The following SPINK8 variants were observed in gnomAD, a reference collection of about 807,000 sequenced individuals.
The protein encoded by SPINK8 is serine peptidase inhibitor Kazal type 8 (putative), also known as serine protease inhibitor Kazal-type 8.
A neutral mutation model predicts 14.4 loss-of-function variants in SPINK8; 12 were observed. The observed-to-expected ratio is 0.83, with a 90% CI of 0.53 to 1.35. SPINK8 has a LOEUF of 1.35. Ranked by LOEUF, SPINK8 falls within the 40% of genes most tolerant of loss-of-function variation. The pLI, the probability that SPINK8 is intolerant of heterozygous loss-of-function variation, is 0.00. For missense variants in SPINK8, 103 were observed against 117.0 expected (o/e 0.88, Z 0.55); for synonymous variants, 32 against 37.6 (o/e 0.85, Z 0.55).
intron 6 of SPINK8, among the ~76,000 whole-genome samples, chr3:48,311,331 C>T (rs1403210749): frequency 1.3e-5 from 2 of 152,130 alleles, no homozygotes; most frequent in Admixed American, 1.3e-4. Flanking sequence ...AGATCAGGAA[C>T]AAGACATGAA....
intron 6 of SPINK8, 120 bp downstream of exon 6, chr3:48,319,377 G>A: frequency 8.6e-7 from 1 of 1,161,466 alleles, no homozygotes; most frequent in South Asian, 1.5e-5. Flanking sequence ...AAATACTGGA[G>A]GAATGTCTGG....
chr3:48,313,964 T>C (rs2035954864), intron 6 of SPINK8, among the ~76,000 whole-genome samples: 1 of 152,094 alleles, frequency 6.6e-6, no homozygotes, highest in South Asian at 2.1e-4. Flanking sequence ...GAGGAGGGAA[T>C]GGGAAGTTAA....
chr3:48,331,456 A>G (rs971644232), intron 2 of SPINK8, among the ~76,000 whole-genome samples: 3 of 151,854 alleles, frequency 2.0e-5, no homozygotes, highest in African/African-American at 7.3e-5. Context: ...TAAGACTGCC[A>G]CCTCTTTAGG....
At position 48,307,006 on chromosome 3, in the gene SPINK8, G is replaced by A; in HGVS notation, c.283-3C>T. The A allele has an allele frequency of 6.2e-7, 1 of 1,612,916 alleles. No individual in the cohort carries two copies. On this transcript the variant is annotated splice_region_variant and splice_polypyrimidine_tract_variant and intron_variant, in intron 7 of 7. Transcript: ENST00000434006. The stretch of plus-strand genomic sequence containing the variant: ...TTGTCGTACGTTCAAGAGTTTTCCT[G>A]CAAGAGAAGTATCTGCTTAGAGAAA...
At chr3:48,310,617 C>G (rs1271827776) in intron 6 of SPINK8, among the ~76,000 whole-genome samples, 1 of 151,914 alleles carries the variant, frequency 6.6e-6, no homozygotes, top group African/African-American at 2.4e-5. Context: ...CCTGCCTCAG[C>G]CTTCCAAGTA....
chr3:48,321,332 T>C (rs1370575252), intron 4 of SPINK8, among the ~76,000 whole-genome samples: 1 of 152,002 alleles, frequency 6.6e-6, no homozygotes, highest in Admixed American at 6.6e-5. Context: ...TCCTTGTCAG[T>C]TTTTTTTAGT....
At chr3:48,331,925 G>A (rs2036268936) in intron 2 of SPINK8, among the ~76,000 whole-genome samples, 1 of 152,236 alleles carries the variant, frequency 6.6e-6, no homozygotes, top group African/African-American at 2.4e-5. Context: ...GGTGATGCCA[G>A]GGGCTGGCGC....
chr3:48,311,305 C>T (rs1163281445), intron 6 of SPINK8, among the ~76,000 whole-genome samples: 1 of 152,058 alleles, frequency 6.6e-6, no homozygotes, highest in Non-Finnish European at 1.5e-5. Context: ...TGGTGAAAGA[C>T]TGAAAGACCT....
intron 6 of SPINK8, among the ~76,000 whole-genome samples, chr3:48,315,484 G>T (rs2035975271): frequency 6.6e-6 from 1 of 152,110 alleles, no homozygotes; most frequent in Admixed American, 6.6e-5. Flanking sequence ...ACTTTGGGAG[G>T]CTGAGGCAGG....
intron 6 of SPINK8, among the ~76,000 whole-genome samples, chr3:48,318,384 G>A (rs1323843588): frequency 6.6e-5 from 10 of 151,876 alleles, no homozygotes; most frequent in Non-Finnish European, 1.0e-4. Context: ...CAGGTGATCC[G>A]CCCACCTCGG....
At chr3:48,328,241 GA>G (rs767384137) in intron 4 of SPINK8, 33 bp downstream of exon 4, 146 of 1,569,482 alleles carry the variant, frequency 9.3e-5, no homozygotes, top group Non-Finnish European at 1.2e-4. Flanking sequence ...ATTTACTGCA[GA>G]AAATGTGGGC....
At chr3:48,326,992 C>A (rs2036155234) in intron 4 of SPINK8, among the ~76,000 whole-genome samples, 1 of 152,102 alleles carries the variant, frequency 6.6e-6, no homozygotes, top group Non-Finnish European at 1.5e-5. Context: ...AGGTACCACT[C>A]CTGACACATA....
At chr3:48,308,586 C>T (rs2035880902) in intron 7 of SPINK8, among the ~76,000 whole-genome samples, 1 of 152,188 alleles carries the variant, frequency 6.6e-6, no homozygotes, top group South Asian at 2.1e-4. Context: ...AGGAAGCTCA[C>T]TGTATTTGGA....
intron 3 of SPINK8, among the ~76,000 whole-genome samples, 63 bp downstream of exon 3, chr3:48,329,090 G>GA (rs1439595305): frequency 1.3e-5 from 2 of 151,840 alleles, no homozygotes; most frequent in East Asian, 3.9e-4. Context: ...CTCCCCTGAG[G>GA]AAAAAACCAA....
intron 2 of SPINK8, among the ~76,000 whole-genome samples, chr3:48,330,294 G>A (rs963740113): frequency 5.3e-5 from 8 of 152,132 alleles, no homozygotes; most frequent in Admixed American, 2.0e-4. Context: ...TGAGGCAGGC[G>A]GATCGCTTGA....
At chr3:48,314,940 G>C (rs2035966655) in intron 6 of SPINK8, among the ~76,000 whole-genome samples, 2 of 152,124 alleles carry the variant, frequency 1.3e-5, no homozygotes, top group South Asian at 4.1e-4. Flanking sequence ...TAATCTTGTG[G>C]GTCTGTGCAA....
chr3:48,320,916 C>T, intron 5 of SPINK8, 109 bp downstream of exon 5: 1 of 1,050,280 alleles, frequency 9.5e-7, no homozygotes, highest in Middle Eastern at 2.1e-4. Flanking sequence ...CTGTTATTCC[C>T]ATGCAAGCCC....
At chr3:48,319,767 C>T (rs1438382387) in intron 5 of SPINK8, 149 bp from the exon 6 acceptor site, 2 of 994,254 alleles carry the variant, frequency 2.0e-6, no homozygotes, top group African/African-American at 1.6e-5. Context: ...TTGACCCCAA[C>T]AGTTACCACC....
chr3:48,328,435 G>C, intron 3 of SPINK8, 81 bp from the exon 4 acceptor site: 1 of 956,652 alleles, frequency 1.0e-6, no homozygotes, highest in Non-Finnish European at 1.6e-6. Context: ...CACTGACCAG[G>C]AAATGAAGTC....
Sources: allele counts gnomAD v4.1 joint callset (sites outside exome capture counted in the v4.1 genomes callset), GRCh38; gene constraint gnomAD v4.1.1; transcripts MANE v1.5; gene names NCBI Gene and HGNC (gene_info 2026-07-23, HGNC 2026-07-21).